The following ROBO1 variants were observed in gnomAD, a reference collection of about 807,000 sequenced individuals.
ROBO1 encodes roundabout homolog 1.
ROBO1 carries 149 observed loss-of-function variants against 195.9 expected under a neutral mutation model. That is an observed-to-expected ratio of 0.76 (90% CI 0.67 to 0.87). ROBO1 has a LOEUF of 0.87. Among genes scored for constraint, ROBO1 ranks in the 40% least tolerant of loss-of-function variants. The probability of loss-of-function intolerance (pLI) is 0.00; values close to 1 mark genes in which losing one functional copy is unlikely to be tolerated. For synonymous variants in ROBO1, 816 were observed against 733.2 expected (o/e 1.11, Z -1.82); for missense variants, 1,933 against 2,068.3 (o/e 0.93, Z 1.27).
At chr3:79,518,253 C>A in intron 2 of ROBO1, among the ~76,000 whole-genome samples, 1 of 151,638 alleles carries the variant, frequency 6.6e-6, no homozygotes, top group South Asian at 2.1e-4. Context: ...TGAGTAGATA[C>A]TCAGATTTGG....
At chr3:79,407,950 A>AT (rs757269034) in intron 2 of ROBO1, among the ~76,000 whole-genome samples, 1 of 152,140 alleles carries the variant, frequency 6.6e-6, no homozygotes, top group Non-Finnish European at 1.5e-5. Context: ...CTAGACACTT[A>AT]TTTTTTCTTT....
chr3:79,648,828 A>G (rs919490992), intron 1 of ROBO1, among the ~76,000 whole-genome samples: 2 of 152,114 alleles, frequency 1.3e-5, no homozygotes, highest in Non-Finnish European at 2.9e-5. Flanking sequence ...AAAAGTAACT[A>G]GAGAAACAAA....
chr3:79,222,664 A>G (rs1366196628), intron 2 of ROBO1, among the ~76,000 whole-genome samples: 4 of 151,776 alleles, frequency 2.6e-5, no homozygotes, highest in Non-Finnish European at 4.4e-5. Flanking sequence ...TTTGTTTATT[A>G]TCAACATAAT....
chr3:79,029,633 T>G (rs1404449286), intron 3 of ROBO1, among the ~76,000 whole-genome samples: 4 of 152,292 alleles, frequency 2.6e-5, no homozygotes, highest in African/African-American at 9.6e-5. Context: ...TAAATGTGCT[T>G]TAAAGGTAGA....
intron 1 of ROBO1, among the ~76,000 whole-genome samples, chr3:79,711,925 G>T (rs548631359): frequency 2.9e-5 from 4 of 138,108 alleles, no homozygotes; most frequent in East Asian, 2.2e-4. Flanking sequence ...GGGGATGGGC[G>T]GGTGGGTGGG....
chr3:79,147,793 T>C (rs2080683821), intron 2 of ROBO1, among the ~76,000 whole-genome samples: 2 of 152,010 alleles, frequency 1.3e-5, no homozygotes, highest in African/African-American at 4.8e-5. Context: ...ACACTTGTTA[T>C]TGATGCACTT....
intron 2 of ROBO1, among the ~76,000 whole-genome samples, chr3:79,381,063 A>G (rs1469401198): frequency 6.6e-6 from 1 of 152,166 alleles, no homozygotes; most frequent in East Asian, 1.9e-4. Context: ...AGACTTTGGT[A>G]AAATAAGAAA....
At chr3:78,605,879 A>G (rs1703433453) in intron 29 of ROBO1, among the ~76,000 whole-genome samples, 1 of 152,186 alleles carries the variant, frequency 6.6e-6, no homozygotes, top group Non-Finnish European at 1.5e-5. Context: ...TGAACATTCA[A>G]TTAGCCACCA....
intron 2 of ROBO1, among the ~76,000 whole-genome samples, chr3:79,560,985 C>T (rs905676375): frequency 6.6e-6 from 1 of 151,908 alleles, no homozygotes; most frequent in African/African-American, 2.4e-5. Flanking sequence ...TTTTCCCAAC[C>T]GATATTTGAC....
intron 3 of ROBO1, among the ~76,000 whole-genome samples, chr3:78,968,362 C>T (rs1274331922): frequency 6.7e-6 from 1 of 148,994 alleles, no homozygotes; most frequent in Non-Finnish European, 1.5e-5. Context: ...GCAACCTCTG[C>T]TTCCCAGGTT....
intron 21 of ROBO1, among the ~76,000 whole-genome samples, chr3:78,640,584 T>C (rs909183519): frequency 7.9e-5 from 12 of 152,124 alleles, no homozygotes; most frequent in Admixed American, 3.3e-4. Context: ...AAAAGAATAT[T>C]AGTGTTCATT....
intron 1 of ROBO1, among the ~76,000 whole-genome samples, chr3:79,763,854 A>C (rs182298836): frequency 6.6e-6 from 1 of 152,342 alleles, no homozygotes; most frequent in Non-Finnish European, 1.5e-5. Flanking sequence ...AAGGAGATTA[A>C]AAAATTATGA....
At chr3:79,501,709 G>GA (rs1940079002) in intron 2 of ROBO1, among the ~76,000 whole-genome samples, 1 of 152,162 alleles carries the variant, frequency 6.6e-6, no homozygotes. Flanking sequence ...AGTTAGGCAA[G>GA]AAATCTTCGT....
At chr3:79,573,166 G>A (rs1415137746) in intron 2 of ROBO1, among the ~76,000 whole-genome samples, 2 of 152,150 alleles carry the variant, frequency 1.3e-5, no homozygotes, top group South Asian at 2.1e-4. Flanking sequence ...CTCCTGCCTC[G>A]TCTTCCCGAG....
chr3:79,694,407 T>A (rs974541848), intron 1 of ROBO1, among the ~76,000 whole-genome samples: 1 of 151,806 alleles, frequency 6.6e-6, no homozygotes, highest in African/African-American at 2.4e-5. Flanking sequence ...GATACAGTGA[T>A]GTATGCTGTG....
At chr3:78,790,587 C>A (rs2108524001) in intron 4 of ROBO1, among the ~76,000 whole-genome samples, 1 of 152,216 alleles carries the variant, frequency 6.6e-6, no homozygotes, top group South Asian at 2.1e-4. Flanking sequence ...ATTTTTTGTA[C>A]CATTAACCAT....
In ROBO1 at chr3:78,662,110, G is replaced by A. The variant is rs934943511; in HGVS notation, c.1971C>T (p.Val657=). 1.3e-6 allele frequency: 2 copies of A among 1,558,464 alleles called. No individual in the cohort carries two copies. The highest frequency in any genetic ancestry group is 2.7e-5 in the African/African-American group (2 of 73,472). The change falls in exon 15 of 31, where the codon GTC becomes GTT. Residue 657 remains valine (V), a synonymous_variant. Coordinates refer to ENST00000464233, the MANE Select transcript of ROBO1 (RefSeq NM_002941.4). ...GGTCCACCCCCTGACTTGTTGGTAG[G>A]ACATCTACAACAAGTCAAGAAAACT... ...QISDPVKTQD[V]LPTSQGVDHK...
chr3:78,920,641 T>TG (rs2038891541), intron 4 of ROBO1, among the ~76,000 whole-genome samples: 2 of 139,098 alleles, frequency 1.4e-5, no homozygotes, highest in African/African-American at 5.5e-5. Flanking sequence ...TTTTTTTTTT[T>TG]TTTTTTTTTT....
At chr3:79,303,978 C>A in intron 2 of ROBO1, among the ~76,000 whole-genome samples, 1 of 152,132 alleles carries the variant, frequency 6.6e-6, no homozygotes, top group Non-Finnish European at 1.5e-5. Context: ...GAAAAGCACA[C>A]AATGCTTCTA....
Sources: gnomAD v4.1 joint callset for allele counts (sites outside exome capture counted in the v4.1 genomes callset) on GRCh38, gnomAD v4.1.1 for gene constraint, MANE v1.5 for transcripts, NCBI Gene and HGNC (gene_info 2026-07-23, HGNC 2026-07-21) for gene names.